ZFHX3: variants seen among roughly 807,000 people sequenced by gnomAD.
ZFHX3 encodes zinc finger homeobox protein 3.
In ZFHX3, 42 loss-of-function variants were observed where a neutral mutation model predicts 279.1. The observed-to-expected ratio is 0.15, with a 90% CI of 0.12 to 0.19. The LOEUF (loss-of-function observed/expected upper bound fraction) is 0.19. Ranked by LOEUF, ZFHX3 falls within the 10% of genes least tolerant of loss-of-function variation. The pLI, the probability that ZFHX3 is intolerant of heterozygous loss-of-function variation, is 1.00. For missense variants in ZFHX3, 4,981 were observed against 4,754.0 expected (o/e 1.05, Z -1.40); for synonymous variants, 2,293 against 1,957.8 (o/e 1.17, Z -4.52).
intron 3 of ZFHX3, among the ~76,000 whole-genome samples, chr16:72,924,211 A>G (rs1959314474): frequency 6.6e-6 from 1 of 152,176 alleles, no homozygotes; most frequent in Non-Finnish European, 1.5e-5. Flanking sequence ...TAAAACTTAA[A>G]CGACTTTAGA....
rs1185173035 is a variant in ZFHX3 at position 72,795,208 on chromosome 16, A to G, written c.7474T>C (p.Cys2492Arg). ...CTGGGGCTCGACTGGGGTAAGGGGCACTGTGGAGGGGGCGCTTGTGGAGGA... is the reference window on the plus strand; with the variant it reads ...CTGGGGCTCGACTGGGGTAAGGGGCGCTGTGGAGGGGGCGCTTGTGGAGGA... ...QPPPQAPPPQ[C>R]PLPQSSPSPS... Residue 2492 changes from cysteine (C) to arginine (R), a missense_variant, in exon 9 of 10, where the codon TGC becomes CGC. Coordinates refer to ENST00000268489, the MANE Select transcript of ZFHX3 (RefSeq NM_006885.4). 1 of 1,606,824 alleles carries G rather than the reference A, an allele frequency of 6.2e-7. No individual in the cohort carries two copies. The highest frequency in any genetic ancestry group is 2.2e-5 in the East Asian group (1 of 44,764).
intron 1 of ZFHX3, among the ~76,000 whole-genome samples, chr16:73,761,453 T>C (rs1391109230): frequency 2.0e-5 from 3 of 152,140 alleles, no homozygotes; most frequent in Non-Finnish European, 4.4e-5. Flanking sequence ...TAAACTCCAA[T>C]TGACATTCTT....
chr16:73,109,354 C>T (rs1001646652), intron 7 of ZFHX3, among the ~76,000 whole-genome samples: 10 of 152,038 alleles, frequency 6.6e-5, no homozygotes, highest in African/African-American at 2.4e-4. Flanking sequence ...TGAAGCGCTT[C>T]GTATTAATCC....
chr16:73,497,360 T>C (rs72801410), intron 2 of ZFHX3, among the ~76,000 whole-genome samples: 6,849 of 152,230 alleles, frequency 0.045, 185 homozygotes, highest in African/African-American at 0.076. Flanking sequence ...AAAGACTCGG[T>C]TGTGGGTCTC....
intron 2 of ZFHX3, among the ~76,000 whole-genome samples, chr16:72,956,244 A>G (rs776697643): frequency 3.3e-5 from 5 of 152,204 alleles, no homozygotes; most frequent in Non-Finnish European, 7.3e-5. Context: ...GCAGTCATCT[A>G]AGCCATCCTG....
chr16:73,836,531 T>C (rs1383498940), intron 1 of ZFHX3, among the ~76,000 whole-genome samples: 3 of 152,222 alleles, frequency 2.0e-5, no homozygotes, highest in Non-Finnish European at 4.4e-5. Context: ...TCATTAGAGC[T>C]ATTGACAATG....
intron 1 of ZFHX3, among the ~76,000 whole-genome samples, chr16:72,969,875 C>G (rs1962023301): frequency 6.6e-6 from 1 of 152,162 alleles, no homozygotes; most frequent in Admixed American, 6.5e-5. Flanking sequence ...TCCCAGCAGC[C>G]TTCAGGATTG....
chr16:73,379,179 C>T (rs937280265), intron 3 of ZFHX3, among the ~76,000 whole-genome samples: 1 of 152,226 alleles, frequency 6.6e-6, no homozygotes. Flanking sequence ...AGATGTTTAA[C>T]GATAATACCT....
chr16:73,768,527 T>A (rs892793105), intron 1 of ZFHX3, among the ~76,000 whole-genome samples: 12 of 152,324 alleles, frequency 7.9e-5, no homozygotes, highest in African/African-American at 2.9e-4. Flanking sequence ...TACCTCTCAA[T>A]AGGAAAAGAG....
chr16:73,365,032 G>A (rs533078662), intron 3 of ZFHX3, among the ~76,000 whole-genome samples: 12 of 152,012 alleles, frequency 7.9e-5, no homozygotes, highest in South Asian at 4.2e-4. Flanking sequence ...GCCCTGTGGC[G>A]CCTCTCCCCC....
rs557164609 is a variant in ZFHX3, at chr16:73,228,805, G to T, written c.-1104+28242C>A. Among the ~76,000 whole-genome samples, 23 of 152,212 alleles carry T rather than the reference G, an allele frequency of 1.5e-4. No individual in the cohort carries two copies. In the East Asian group the frequency reaches 3.5e-3, roughly 23 times the overall value. Reference sequence around the variant, plus strand: ...CCAAGACCAGAACCTGGGATTACGTGGTCTCATTTCTCATGACAATGGAAT... The same window carrying T: ...CCAAGACCAGAACCTGGGATTACGTTGTCTCATTTCTCATGACAATGGAAT... On this transcript the variant is annotated intron_variant, in intron 5 of 17. Transcript: ENST00000641206.
At chr16:73,657,851 A>G (rs1383355) in intron 2 of ZFHX3, among the ~76,000 whole-genome samples, 137,065 of 152,254 alleles carry the variant, frequency 0.9, 61,743 homozygotes, top group East Asian at 0.98. Flanking sequence ...ATTCATCAGC[A>G]GACAGACATT....
At chr16:73,024,041 G>A (rs1964408768) in intron 1 of ZFHX3, among the ~76,000 whole-genome samples, 3 of 152,160 alleles carry the variant, frequency 2.0e-5, no homozygotes, top group Admixed American at 2.0e-4. Context: ...ACATGCACAT[G>A]CCAGTGGCGC....
chr16:73,210,760 T>A (rs2011983131), intron 5 of ZFHX3, among the ~76,000 whole-genome samples: 1 of 151,892 alleles, frequency 6.6e-6, no homozygotes, highest in Non-Finnish European at 1.5e-5. Flanking sequence ...TCCTCTAACG[T>A]GGGGGAACAA....
At chr16:73,212,479 A>G (rs567860467) in intron 5 of ZFHX3, among the ~76,000 whole-genome samples, 18 of 152,332 alleles carry the variant, frequency 1.2e-4, no homozygotes, top group Non-Finnish European at 2.5e-4. Context: ...TTCTGGTAAG[A>G]TATTTATTCT....
chr16:73,058,631 C>T (rs865876647), exon 1 of ZFHX3: 259 of 231,298 alleles, frequency 1.1e-3, no homozygotes, highest in South Asian at 4.1e-3. Flanking sequence ...GGCGCTCGGG[C>T]CGCGGAGCCC....
At chr16:73,582,823 A>G (rs900219135) in intron 2 of ZFHX3, among the ~76,000 whole-genome samples, 11 of 151,790 alleles carry the variant, frequency 7.2e-5, no homozygotes, top group African/African-American at 2.4e-4. Flanking sequence ...CAACTCTTGC[A>G]TTGGAGTTAT....
intron 4 of ZFHX3, among the ~76,000 whole-genome samples, chr16:73,313,696 A>G (rs1471166458): frequency 1.3e-5 from 2 of 152,242 alleles, no homozygotes; most frequent in African/African-American, 4.8e-5. Flanking sequence ...AAAATGGCAC[A>G]AACATGTACA....
intron 2 of ZFHX3, among the ~76,000 whole-genome samples, chr16:73,601,299 C>CAAAAAAAAAAAA (rs1217744713): frequency 1.7e-5 from 1 of 60,438 alleles, no homozygotes; most frequent in African/African-American, 5.3e-5. Flanking sequence ...ACTAAAAATA[C>CAAAAAAAAAAAA]AAAAAAAAAA....
Sources: gnomAD v4.1 joint callset for allele counts (sites outside exome capture counted in the v4.1 genomes callset) on GRCh38, gnomAD v4.1.1 for gene constraint, MANE v1.5 for transcripts, NCBI Gene and HGNC (gene_info 2026-07-23, HGNC 2026-07-21) for gene names.